Variants in PTGER3 observed in about 807,000 individuals in gnomAD.
The protein encoded by PTGER3 is prostaglandin E receptor 3.
PTGER3 carries 22 observed loss-of-function variants against 34.7 expected under a neutral mutation model. The observed-to-expected ratio is 0.63, with a 90% confidence interval of 0.45 to 0.91. The LOEUF is 0.91. Ranked by LOEUF, PTGER3 falls within the 40% of genes least tolerant of loss-of-function variation. PTGER3 has a pLI of 0.00. For missense variants in PTGER3, 468 were observed against 519.4 expected, an observed-to-expected ratio of 0.90 and a Z score of 0.96; for synonymous variants, 241 against 230.1, an observed-to-expected ratio of 1.05 and a Z score of -0.43.
chr1:70,894,723 A>G (rs1445120300), intron 4 of PTGER3, among the ~76,000 whole-genome samples: 1 of 152,050 alleles, frequency 6.6e-6, no homozygotes, highest in Non-Finnish European at 1.5e-5. Flanking sequence ...TCCTCTCCCC[A>G]CTCATCCCAC....
At chr1:70,874,652 C>G (rs868421938) in intron 4 of PTGER3, among the ~76,000 whole-genome samples, 1 of 152,048 alleles carries the variant, frequency 6.6e-6, no homozygotes, top group Non-Finnish European at 1.5e-5. Context: ...TCCTTTCTAT[C>G]TCTTTATGTC....
At chr1:71,034,524 T>C (rs1355037289) in intron 1 of PTGER3, among the ~76,000 whole-genome samples, 1 of 152,202 alleles carries the variant, frequency 6.6e-6, no homozygotes, top group Non-Finnish European at 1.5e-5. Flanking sequence ...CACTTATAAC[T>C]TGTGCAATAA....
intron 1 of PTGER3, among the ~76,000 whole-genome samples, chr1:71,025,290 C>T (rs933384982): frequency 6.6e-6 from 1 of 151,788 alleles, no homozygotes; most frequent in African/African-American, 2.4e-5. Context: ...GTGGAACGTT[C>T]TGGTGTTCAG....
At chr1:71,039,748 AT>A (rs1051080993) in intron 1 of PTGER3, among the ~76,000 whole-genome samples, 7 of 151,616 alleles carry the variant, frequency 4.6e-5, no homozygotes, top group African/African-American at 1.5e-4. Flanking sequence ...TCTCCACCAC[AT>A]TTTTTCCCCA....
chr1:71,020,697 A>AGTGTGTGTGTGTGTGTGTGTGT (rs112981971), intron 1 of PTGER3, among the ~76,000 whole-genome samples: 15 of 144,786 alleles, frequency 1.0e-4, no homozygotes, highest in African/African-American at 3.3e-4. Flanking sequence ...ATGTTAGCAG[A>AGTGTGTGTGTGTGTGTGTGTGT]GTGTGTGTGT....
intron 4 of PTGER3, among the ~76,000 whole-genome samples, chr1:70,911,555 CAG>C (rs544042363): frequency 6.2e-4 from 94 of 152,114 alleles, no homozygotes; most frequent in African/African-American, 2.2e-3. Flanking sequence ...TAAAAGTACT[CAG>C]AAAGTGTGAG....
chr1:70,890,231 T>G (rs1402234783), intron 4 of PTGER3, among the ~76,000 whole-genome samples: 1 of 152,188 alleles, frequency 6.6e-6, no homozygotes, highest in African/African-American at 2.4e-5. Flanking sequence ...CAACACTTAT[T>G]TTGTTTCAGG....
At chr1:70,968,430 A>G (rs998983695), downstream of PTGER3, among the ~76,000 whole-genome samples, 2 of 151,484 alleles carry the variant, frequency 1.3e-5, no homozygotes, top group South Asian at 4.1e-4. Flanking sequence ...ATCTTACTTT[A>G]TTTTGAGGGT....
chr1:70,938,085 G>T (rs1306351235), intron 4 of PTGER3, among the ~76,000 whole-genome samples: 2 of 152,100 alleles, frequency 1.3e-5, no homozygotes, highest in Non-Finnish European at 2.9e-5. Context: ...CCTCTTTAAA[G>T]AACAGAGTGT....
At chr1:71,015,781 G>A (rs374478395) in intron 1 of PTGER3, among the ~76,000 whole-genome samples, 44 of 152,152 alleles carry the variant, frequency 2.9e-4, no homozygotes, top group African/African-American at 7.2e-4. Flanking sequence ...AATAATACAC[G>A]AAAATTCTTA....
chr1:70,974,428 G>A, intron 2 of PTGER3, 40 bp from the exon 3 acceptor site: 1 of 826,658 alleles, frequency 1.2e-6, no homozygotes, highest in Admixed American at 1.8e-5. Context: ...ACTTCCTTGA[G>A]TATTTTTAAA....
chr1:70,874,752 A>G (rs924802952), intron 4 of PTGER3, among the ~76,000 whole-genome samples: 4 of 151,842 alleles, frequency 2.6e-5, no homozygotes, highest in Admixed American at 6.6e-5. Flanking sequence ...TCATCAAATC[A>G]TTGCATTTTC....
chr1:70,925,991 G>T (rs991327797), intron 4 of PTGER3, among the ~76,000 whole-genome samples: 2 of 152,128 alleles, frequency 1.3e-5, no homozygotes, highest in African/African-American at 4.8e-5. Context: ...GCTACACAGA[G>T]ACTACCAAAT....
At chr1:70,941,218 T>G (rs995051064) in intron 4 of PTGER3, among the ~76,000 whole-genome samples, 47 of 152,200 alleles carry the variant, frequency 3.1e-4, no homozygotes, top group African/African-American at 1.1e-3. Context: ...ATGAATATCT[T>G]TCTATAGAAT....
chr1:70,953,069 G>A (rs745437124), intron 3 of PTGER3: 3 of 1,556,714 alleles, frequency 1.9e-6, no homozygotes, highest in Admixed American at 2.0e-5. Flanking sequence ...ACTAACCACA[G>A]ATCAAAATAT....
intron 2 of PTGER3, among the ~76,000 whole-genome samples, chr1:70,979,039 T>C (rs1350735516): frequency 6.6e-6 from 1 of 152,148 alleles, no homozygotes; most frequent in African/African-American, 2.4e-5. Flanking sequence ...ATTCATCAAA[T>C]GCTTGTTTCT....
At chr1:70,967,655 T>C (rs1348764148), downstream of PTGER3, among the ~76,000 whole-genome samples, 4 of 152,178 alleles carry the variant, frequency 2.6e-5, no homozygotes, top group Non-Finnish European at 4.4e-5. Flanking sequence ...GCGTATATTT[T>C]ATACAGATCC....
Position 70,871,601 on chromosome 1 carries a change from G to A in PTGER3, c.*24-18742C>T, listed in dbSNP as rs573468467. 5.3e-5 allele frequency among the ~76,000 whole-genome samples: 8 copies of A among 152,260 alleles called. No individual in the cohort carries two copies. The East Asian group carries it at 1.5e-3, about 29-fold the overall frequency. On this transcript the variant is annotated intron_variant, in intron 4 of 4. Transcript: ENST00000370931. ...TGATTTTTTCACCATGGGCCCCTTG[G>A]TGAGAGAACTGAAACCAATGATTAG...
intron 4 of PTGER3, chr1:70,869,437 A>G: frequency 2.9e-6 from 1 of 345,614 alleles, no homozygotes; most frequent in Non-Finnish European, 5.8e-6. Flanking sequence ...TGCGAAATAC[A>G]GTCATGACTT....
Sources: allele counts gnomAD v4.1 joint callset (sites outside exome capture counted in the v4.1 genomes callset), GRCh38; gene constraint gnomAD v4.1.1; transcripts MANE v1.5; gene names NCBI Gene and HGNC (gene_info 2026-07-23, HGNC 2026-07-21).